Variants in KHDRBS2 observed in about 807,000 individuals in gnomAD.
The protein encoded by KHDRBS2 is KH domain-containing, RNA-binding, signal transduction-associated protein 2.
KHDRBS2 carries 26 observed loss-of-function variants against 44.3 expected under a neutral mutation model. That is an observed-to-expected ratio of 0.59 (90% CI 0.43 to 0.81). The LOEUF (loss-of-function observed/expected upper bound fraction) is 0.81, where lower values mean the gene tolerates loss of function less well. KHDRBS2 is among the 40% of genes least tolerant of loss of function. KHDRBS2 has a pLI of 0.00. For synonymous variants in KHDRBS2, 194 were observed against 151.1 expected (o/e 1.28, Z -2.08); for missense variants, 476 against 433.1 (o/e 1.10, Z -0.88).
At chr6:61,853,732 T>C (rs1373653133) in intron 6 of KHDRBS2, among the ~76,000 whole-genome samples, 3 of 152,222 alleles carry the variant, frequency 2.0e-5, no homozygotes, top group Non-Finnish European at 4.4e-5. Flanking sequence ...TGAAATCGTA[T>C]TGCTCTTTCA....
At position 62,180,263 on chromosome 6, in the gene KHDRBS2, G is replaced by T. The variant is rs185720147; in HGVS notation, c.92-2951C>A. On this transcript the variant is annotated intron_variant, in intron 1 of 8. Coordinates refer to ENST00000281156, the MANE Select transcript of KHDRBS2 (RefSeq NM_152688.4). ...AAAGTAAAAATAAAGATATCTGTTT[G>T]CAGTTGACATGATCTGATATGTAGG... is the stretch of plus-strand genomic sequence containing the variant. Among the ~76,000 whole-genome samples, 109 of 151,968 alleles carry T rather than the reference G, an allele frequency of 7.2e-4. 1 individual carries two copies. The highest frequency in any genetic ancestry group is 2.4e-3 in the African/African-American group (101 of 41,510).
chr6:62,162,095 G>A (rs2150112689), intron 2 of KHDRBS2, among the ~76,000 whole-genome samples: 1 of 151,982 alleles, frequency 6.6e-6, no homozygotes, highest in South Asian at 2.1e-4. Context: ...CAAATCTGTA[G>A]AAAATAAAAA....
chr6:62,219,111 G>C (rs1830472268), intron 1 of KHDRBS2, among the ~76,000 whole-genome samples: 1 of 151,678 alleles, frequency 6.6e-6, no homozygotes, highest in Admixed American at 6.6e-5. Context: ...CCACTATGCA[G>C]TATAAGGATG....
chr6:62,167,723 T>G (rs775460984), intron 2 of KHDRBS2, among the ~76,000 whole-genome samples: 1 of 152,138 alleles, frequency 6.6e-6, no homozygotes, highest in Non-Finnish European at 1.5e-5. Context: ...TGCAGTGGTC[T>G]GTGGTAAAGA....
chr6:62,200,917 G>A lies in KHDRBS2; in HGVS notation c.92-23605C>T, dbSNP rs1413598661. 2.0e-5 allele frequency among the ~76,000 whole-genome samples: 3 copies of A among 152,034 alleles called. No homozygotes were observed. The East Asian group carries it at 5.8e-4, about 29-fold the overall frequency. On this transcript the variant is annotated intron_variant, in intron 1 of 8. Transcript: ENST00000281156. ...ATACTATGCAGCCATAAAAAATGAT[G>A]AGTTCATGTTCTTTGTAGGGGCATG...
the KHDRBS2 span, among the ~76,000 whole-genome samples, chr6:61,651,274 G>T: frequency 6.6e-6 from 1 of 151,976 alleles, no homozygotes; most frequent in Non-Finnish European, 1.5e-5. Context: ...ATTTTTTTTA[G>T]ATTTTGGAAT....
At chr6:61,826,344 G>A (rs529548562) in intron 6 of KHDRBS2, among the ~76,000 whole-genome samples, 140 of 152,150 alleles carry the variant, frequency 9.2e-4, no homozygotes, top group Middle Eastern at 6.8e-3. Flanking sequence ...AGGGAAGGAA[G>A]GGAAAAAGAT....
At chr6:62,031,580 G>A (rs1784346232) in intron 3 of KHDRBS2, among the ~76,000 whole-genome samples, 1 of 152,042 alleles carries the variant, frequency 6.6e-6, no homozygotes, top group Non-Finnish European at 1.5e-5. Flanking sequence ...GGGCCTTAAG[G>A]AAATATATCA....
chr6:61,979,073 C>T (rs1477363995), intron 3 of KHDRBS2, among the ~76,000 whole-genome samples: 4 of 151,978 alleles, frequency 2.6e-5, no homozygotes, highest in Non-Finnish European at 5.9e-5. Flanking sequence ...ATATGTGATC[C>T]ATATATTTTG....
rs772732137 is a variant in KHDRBS2, at chr6:62,145,355, T to C, written c.219+31830A>G. On this transcript the variant is annotated intron_variant, in intron 2 of 8. Transcript: ENST00000281156. ...CTTTCTAATTTATCATTTTACTTCA[T>C]TATATTCAATTAAAGCTTACATCGC... 6.7e-4 allele frequency among the ~76,000 whole-genome samples: 102 copies of C among 151,784 alleles called. 2 individuals are homozygous for C. The highest frequency in any genetic ancestry group is 7.5e-4 in the Non-Finnish European group (51 of 67,770).
chr6:61,740,732 C>T (rs1004968348), intron 6 of KHDRBS2, among the ~76,000 whole-genome samples: 6 of 151,936 alleles, frequency 3.9e-5, no homozygotes, highest in East Asian at 3.9e-4. Context: ...TTTGTGAAAG[C>T]GTTGGCTGAT....
chr6:61,551,885 T>C, the KHDRBS2 span, among the ~76,000 whole-genome samples: 3 of 152,180 alleles, frequency 2.0e-5, no homozygotes, highest in African/African-American at 7.2e-5. Flanking sequence ...ATTAGTTTTT[T>C]CCTAATTCTA....
chr6:61,569,492 T>C, the KHDRBS2 span, among the ~76,000 whole-genome samples: 89,875 of 151,970 alleles, frequency 0.59, 26,788 homozygotes, highest in Non-Finnish European at 0.61. Context: ...CAGGCCATTA[T>C]AGCAACTCAT....
chr6:61,975,333 T>A (rs1002475322), intron 4 of KHDRBS2, among the ~76,000 whole-genome samples: 16 of 152,196 alleles, frequency 1.1e-4, no homozygotes, highest in Non-Finnish European at 2.1e-4. Flanking sequence ...CTAGCATGTC[T>A]CTTACTGCCT....
At chr6:62,269,254 C>A (rs1008217978) in intron 1 of KHDRBS2, among the ~76,000 whole-genome samples, 1 of 144,082 alleles carries the variant, frequency 6.9e-6, no homozygotes, top group Non-Finnish European at 1.5e-5. Context: ...TTGACTTCAG[C>A]AAAATTAATA....
At chr6:61,624,924 C>T in the KHDRBS2 span, among the ~76,000 whole-genome samples, 36 of 152,244 alleles carry the variant, frequency 2.4e-4, no homozygotes, top group Middle Eastern at 6.8e-3. Flanking sequence ...AGCAGAGATT[C>T]TGTTAAACTA....
At chr6:62,078,775 T>C (rs2127352647) in intron 2 of KHDRBS2, among the ~76,000 whole-genome samples, 2 of 152,090 alleles carry the variant, frequency 1.3e-5, no homozygotes, top group Middle Eastern at 6.8e-3. Context: ...AGTTTCTACT[T>C]CCATGATGTT....
chr6:61,663,648 C>T, the KHDRBS2 span, among the ~76,000 whole-genome samples: 2 of 149,248 alleles, frequency 1.3e-5, no homozygotes, highest in South Asian at 2.1e-4. Flanking sequence ...CTTAATGGCA[C>T]GTGTATCATA....
chr6:62,119,881 C>A (rs768871561), intron 2 of KHDRBS2, among the ~76,000 whole-genome samples: 23 of 152,170 alleles, frequency 1.5e-4, no homozygotes, highest in Admixed American at 1.1e-3. Context: ...CTGTTTGCTT[C>A]TAGACCTGTA....
Sources: allele counts gnomAD v4.1 joint callset (sites outside exome capture counted in the v4.1 genomes callset), GRCh38; gene constraint gnomAD v4.1.1; transcripts MANE v1.5; gene names NCBI Gene and HGNC (gene_info 2026-07-23, HGNC 2026-07-21).